CWC27: variants seen among roughly 807,000 people sequenced by gnomAD.
The protein encoded by CWC27 is CWC27 spliceosome associated cyclophilin.
Under a neutral mutation model 63.6 loss-of-function variants are expected in CWC27, and 47 were observed. The ratio of observed to expected loss-of-function variants is 0.74; its 90% CI spans 0.58 to 0.94. The LOEUF is 0.94. Among genes scored for constraint, CWC27 ranks in the 40% least tolerant of loss-of-function variants. CWC27 has a pLI of 0.00. For missense variants in CWC27, 495 were observed against 554.3 expected (o/e 0.89, Z 1.07); for synonymous variants, 175 against 179.8 (o/e 0.97, Z 0.22).
intron 12 of CWC27, among the ~76,000 whole-genome samples, chr5:64,972,950 A>G (rs113962295): frequency 7.2e-4 from 110 of 152,336 alleles, no homozygotes; most frequent in African/African-American, 2.6e-3. Context: ...ATGTAGATGA[A>G]TAACAGAGGG....
At chr5:64,789,051 T>C (rs751634898) in intron 7 of CWC27, 31 bp downstream of exon 7, 2 of 1,491,904 alleles carry the variant, frequency 1.3e-6, no homozygotes, top group Non-Finnish European at 1.8e-6. Flanking sequence ...TGTTCTAACT[T>C]ACAAAAGAGA....
chr5:64,929,986 A>G (rs979682920), intron 11 of CWC27, among the ~76,000 whole-genome samples: 3 of 146,324 alleles, frequency 2.1e-5, no homozygotes, highest in Non-Finnish European at 4.5e-5. Context: ...AAACAGCCTA[A>G]ACAAACTGTG....
intron 13 of CWC27, among the ~76,000 whole-genome samples, chr5:64,985,317 G>GA (rs1165582494): frequency 6.6e-6 from 1 of 152,074 alleles, no homozygotes; most frequent in African/African-American, 2.4e-5. Context: ...AAATTCTGCT[G>GA]AGATTTTTAT....
At chr5:64,831,539 T>C (rs947179689) in intron 10 of CWC27, among the ~76,000 whole-genome samples, 5 of 151,880 alleles carry the variant, frequency 3.3e-5, no homozygotes, top group Non-Finnish European at 7.4e-5. Context: ...GATATGGATA[T>C]AGATATAGAT....
At chr5:64,879,152 G>A (rs1251441995) in intron 10 of CWC27, among the ~76,000 whole-genome samples, 1 of 151,942 alleles carries the variant, frequency 6.6e-6, no homozygotes, top group Admixed American at 6.6e-5. Context: ...ACTAGAAGGT[G>A]GGCTTGACAA....
At chr5:64,838,211 A>T (rs1745707581) in intron 10 of CWC27, among the ~76,000 whole-genome samples, 1 of 152,158 alleles carries the variant, frequency 6.6e-6, no homozygotes. Context: ...ATACACATAC[A>T]TATGTACATT....
rs150164233 is a variant in CWC27 at position 64,897,486 on chromosome 5, C to G, written c.1042+11940C>G. Among the ~76,000 whole-genome samples, 343 of 152,242 alleles carry G rather than the reference C, an allele frequency of 2.3e-3. 1 individual carries two copies. Among genetic ancestry groups the G allele is most frequent in the African/African-American group, 7.8e-3 (326 of 41,536 alleles). On this transcript the variant is annotated intron_variant, in intron 11 of 13. Transcript: ENST00000381070. Reference sequence around the variant, plus strand: ...CATTCTTAGCAAACTGTCACAAGGACAGAAAACCAAACACCGCATGTTCTC... The same window carrying G: ...CATTCTTAGCAAACTGTCACAAGGAGAGAAAACCAAACACCGCATGTTCTC...
At chr5:64,961,096 T>C (rs73760007) in intron 11 of CWC27, among the ~76,000 whole-genome samples, 1 of 152,160 alleles carries the variant, frequency 6.6e-6, no homozygotes, top group African/African-American at 2.4e-5. Flanking sequence ...CTCAAGTGGA[T>C]TGAAGATTAA....
intron 11 of CWC27, among the ~76,000 whole-genome samples, chr5:64,905,200 C>CAAAAAAAAAA: frequency 1.8e-5 from 1 of 55,558 alleles, no homozygotes; most frequent in Non-Finnish European, 3.6e-5. Context: ...CACTACATCT[C>CAAAAAAAAAA]AAAAAAAAAA....
chr5:64,989,896 A>C (rs1021383943), intron 13 of CWC27, among the ~76,000 whole-genome samples: 2 of 152,082 alleles, frequency 1.3e-5, no homozygotes, highest in African/African-American at 4.8e-5. Flanking sequence ...CAGCTGACAG[A>C]TGGTGCATAA....
chr5:64,789,333 A>T lies in CWC27; in HGVS notation c.669+313A>T, dbSNP rs186396148. Among the ~76,000 whole-genome samples the T allele has an allele frequency of 9.2e-5, 14 of 152,206 alleles. No homozygotes were observed. The East Asian group carries it at 2.7e-3, about 29-fold the overall frequency. ...GGTAGTATGTTAGATGATAATGATT[A>T]TTATCATTACTGATATAAACAGTCA... On this transcript the variant is annotated intron_variant, in intron 7 of 13. Coordinates refer to ENST00000381070, the MANE Select transcript of CWC27 (RefSeq NM_005869.4).
At chr5:64,826,701 T>TG (rs60582227) in intron 10 of CWC27, among the ~76,000 whole-genome samples, 42,889 of 146,504 alleles carry the variant, frequency 0.29, 6,427 homozygotes, top group East Asian at 0.49. Context: ...TGGTGTTTTT[T>TG]TGTTTTTTTT....
intron 13 of CWC27, among the ~76,000 whole-genome samples, chr5:64,979,071 C>G (rs1749285353): frequency 6.6e-6 from 1 of 152,154 alleles, no homozygotes; most frequent in African/African-American, 2.4e-5. Flanking sequence ...AAGTGCCATT[C>G]CTGTTTTTCA....
intron 10 of CWC27, chr5:64,807,755 A>G: frequency 6.5e-7 from 1 of 1,535,858 alleles, no homozygotes; most frequent in Non-Finnish European, 8.7e-7. Flanking sequence ...TTTACTTCAC[A>G]CTTCAAACTC....
intron 5 of CWC27, among the ~76,000 whole-genome samples, 171 bp from the exon 6 acceptor site, chr5:64,786,353 A>T (rs997451338): frequency 6.6e-6 from 1 of 152,144 alleles, no homozygotes; most frequent in Non-Finnish European, 1.5e-5. Context: ...GAGAGAATCC[A>T]GTGAGGCCGT....
intron 11 of CWC27, among the ~76,000 whole-genome samples, chr5:64,966,650 C>T (rs1749018222): frequency 6.6e-6 from 1 of 152,104 alleles, no homozygotes. Flanking sequence ...ATGCCATGCT[C>T]ACTGGCATCT....
At chr5:64,933,445 G>A (rs1229881053) in intron 11 of CWC27, among the ~76,000 whole-genome samples, 1 of 150,838 alleles carries the variant, frequency 6.6e-6, no homozygotes, top group Non-Finnish European at 1.5e-5. Flanking sequence ...TTTGCACATT[G>A]CATTGCTCTC....
intron 7 of CWC27, among the ~76,000 whole-genome samples, chr5:64,790,890 T>C (rs1027990591): frequency 6.6e-6 from 1 of 152,194 alleles, no homozygotes; most frequent in African/African-American, 2.4e-5. Flanking sequence ...GAGGGTTAAA[T>C]AACTCATCCA....
chr5:64,930,421 C>A (rs1452510287), intron 11 of CWC27, among the ~76,000 whole-genome samples: 1 of 151,602 alleles, frequency 6.6e-6, no homozygotes, highest in African/African-American at 2.4e-5. Flanking sequence ...AAAAAACAAT[C>A]ATTGAAACCA....
Sources: gnomAD v4.1 joint callset for allele counts (sites outside exome capture counted in the v4.1 genomes callset) on GRCh38, gnomAD v4.1.1 for gene constraint, MANE v1.5 for transcripts, NCBI Gene and HGNC (gene_info 2026-07-23, HGNC 2026-07-21) for gene names.